The following APOBEC3C variants were observed in gnomAD, a reference collection of about 807,000 sequenced individuals.
APOBEC3C encodes apolipoprotein B mRNA editing enzyme catalytic subunit 3C, also known as DNA dC->dU-editing enzyme APOBEC-3C.
APOBEC3C carries 14 observed loss-of-function variants against 20.6 expected under a neutral mutation model. That is an observed-to-expected ratio of 0.68 (90% CI 0.45 to 1.06). The LOEUF (loss-of-function observed/expected upper bound fraction) is 1.06. Among genes scored for constraint, APOBEC3C ranks in the 50% least tolerant of loss-of-function variants. The probability of loss-of-function intolerance (pLI) is 0.00; values close to 1 mark genes in which losing one functional copy is unlikely to be tolerated. For synonymous variants in APOBEC3C, 98 were observed against 88.8 expected, an observed-to-expected ratio of 1.10 and a Z score of -0.58; for missense variants, 244 against 241.9, an observed-to-expected ratio of 1.01 and a Z score of -0.06.
Position 39,015,673 on chromosome 22 carries a change from A to G in APOBEC3C, c.96A>G (p.Glu32=), listed in dbSNP as rs1348401196. The G allele has an allele frequency of 6.2e-7, 1 of 1,614,012 alleles. No homozygotes were observed. The highest frequency in any genetic ancestry group is 8.5e-7 in the Non-Finnish European group (1 of 1,180,024). ...TATGGGAAGCCAACGATCGGAACGA[A>G]ACTTGGCTGTGCTTCACCGTGGAAG... ...KNLWEANDRN[E]TWLCFTVEGI... The change falls in exon 2 of 4, where the codon GAA becomes GAG. Residue 32 remains glutamate, a synonymous_variant. Coordinates refer to ENST00000361441, the MANE Select transcript of APOBEC3C (RefSeq NM_014508.3).
Position 39,018,387 on chromosome 22 carries a change from A to AG in APOBEC3C, c.*4dup. On this transcript the variant is annotated 3_prime_UTR_variant, in exon 4 of 4. Transcript: ENST00000361441. ...GAAGGCTACGGGAGAGTCTCCAGTG[A>AG]GGGGTCTCCCTGGGCCTCATGGTCT... The AG allele has an allele frequency of 6.2e-7, 1 of 1,613,304 alleles. No homozygotes were observed. The highest frequency in any genetic ancestry group is 2.2e-5 in the East Asian group (1 of 44,866).
chr22:39,014,473 C>A, intron 1 of APOBEC3C, 94 bp downstream of exon 1: 2 of 1,522,678 alleles, frequency 1.3e-6, no homozygotes, highest in Non-Finnish European at 9.1e-7. Context: ...CTGCCCCAGC[C>A]CCACCTCTGG....
chr22:39,018,286 GA>G lies in APOBEC3C; in HGVS notation c.476del (p.Asn159ThrfsTer16). On this transcript the variant is annotated frameshift_variant, in exon 4 of 4. Transcript: ENST00000361441. LOFTEE classifies it low-confidence loss of function (END_TRUNC). The stretch of plus-strand genomic sequence containing the variant: ...TTTCTCAGATTTTAAATATTGTTGG[GA>G]AAACTTTGTGTACAATGATAATGAG... ...MDYEDFKYCW[E>X]NFVYNDNEPF... 6.2e-7 allele frequency: 1 copy of G among 1,613,672 alleles called. No homozygotes were observed. Among genetic ancestry groups the G allele is most frequent in the East Asian group, 2.2e-5 (1 of 44,878 alleles).
At chr22:39,015,068 C>T (rs890118081) in intron 1 of APOBEC3C, among the ~76,000 whole-genome samples, 14 of 152,060 alleles carry the variant, frequency 9.2e-5, no homozygotes, top group South Asian at 6.2e-4. Flanking sequence ...GAGGCTGAGG[C>T]GGGCGGGTCA....
In APOBEC3C at chr22:39,019,629, TA is replaced by T. The variant is rs1425779509; in HGVS notation, c.*1243del. On this transcript the variant is annotated 3_prime_UTR_variant, in exon 4 of 4. Coordinates refer to ENST00000361441, the MANE Select transcript of APOBEC3C (RefSeq NM_014508.3). ...GCCAGGTGCCCACATGGCAGGCATTTATTTTCTCACAGATCTGGAAGCTGCA... is the reference window on the plus strand; with the variant it reads ...GCCAGGTGCCCACATGGCAGGCATTTTTTTCTCACAGATCTGGAAGCTGCA... The T allele has an allele frequency of 1.3e-5, 2 of 152,046 alleles. No individual in the cohort carries two copies. Among genetic ancestry groups the T allele is most frequent in the African/African-American group, 4.8e-5 (2 of 41,378 alleles). The allele number at this position is 152,046 out of a possible 1,614,324, so 9.4% of individuals were successfully genotyped here.
Position 39,017,894 on chromosome 22 carries a change from A to AG in APOBEC3C, c.307dup (p.Glu103GlyfsTer49), listed in dbSNP as rs35578697. ...CTTGGAGCCCTTGCCCAGACTGTGC[A>AG]GGGGAGGTGGCCGAGTTCCTGGCCA... On this transcript the variant is annotated frameshift_variant, in exon 3 of 4. Transcript: ENST00000361441. LOFTEE classifies it high-confidence loss of function. 2.5e-6 allele frequency: 4 copies of AG among 1,614,062 alleles called. No homozygotes were observed. The highest frequency in any genetic ancestry group is 2.5e-6 in the Non-Finnish European group (3 of 1,180,026).
At chr22:39,014,472 C>A in intron 1 of APOBEC3C, 93 bp downstream of exon 1, 1 of 1,524,098 alleles carries the variant, frequency 6.6e-7, no homozygotes, top group Non-Finnish European at 9.0e-7. Flanking sequence ...CCTGCCCCAG[C>A]CCCACCTCTG....
chr22:39,018,678 A>C lies in APOBEC3C; in HGVS notation c.*291A>C. The C allele has an allele frequency of 1.9e-5, 5 of 263,926 alleles. No homozygotes were observed. Among genetic ancestry groups the C allele is most frequent in the Non-Finnish European group, 2.9e-5 (4 of 137,306 alleles). The allele number at this position is 263,926 out of a possible 1,614,324, so 16.3% of individuals were successfully genotyped here. A position where few individuals can be genotyped will look rare whatever the true frequency, so the allele number is the denominator to read the frequency against. The stretch of plus-strand genomic sequence containing the variant: ...TTTCCCATCTCCCCAGCATAACCAA[A>C]TCTTACTAAACTCATCCTAGGCTGG... On this transcript the variant is annotated 3_prime_UTR_variant, in exon 4 of 4. Transcript: ENST00000361441.
At chr22:39,014,717 T>C (rs923171524) in intron 1 of APOBEC3C, among the ~76,000 whole-genome samples, 1 of 152,198 alleles carries the variant, frequency 6.6e-6, no homozygotes, top group South Asian at 2.1e-4. Flanking sequence ...ACTGGGAGAA[T>C]TGAACCAAAG....
At chr22:39,016,190 A>ATTATTTATTTAT (rs3043484) in intron 2 of APOBEC3C, among the ~76,000 whole-genome samples, 1,473 of 141,488 alleles carry the variant, frequency 0.01, 23 homozygotes, top group African/African-American at 0.013. Context: ...TCCTCCCCAC[A>ATTATTTATTTAT]TTATTTATTT....
At chr22:39,015,325 T>C (rs918993452) in intron 1 of APOBEC3C, among the ~76,000 whole-genome samples, 27 of 148,086 alleles carry the variant, frequency 1.8e-4, no homozygotes, top group Admixed American at 1.6e-3. Flanking sequence ...GCAGAAAAAC[T>C]GGGAGGTTGA....
In APOBEC3C at chr22:39,015,628, C is replaced by G; in HGVS notation, c.51C>G (p.Phe17Leu). The G allele has an allele frequency of 6.2e-7, 1 of 1,614,150 alleles. No individual in the cohort carries two copies. Residue 17 changes from phenylalanine to leucine, a missense_variant, in exon 2 of 4, where the codon TTC becomes TTG. Phe to Leu is a conservative substitution (Grantham distance 22). Transcript: ENST00000361441. ...TGAAGGCAATGTATCCAGGCACATT[C>G]TACTTCCAATTTAAAAACCTATGGG... ...NPMKAMYPGT[F>L]YFQFKNLWEA...
chr22:39,016,595 C>T (rs935020675), intron 2 of APOBEC3C, among the ~76,000 whole-genome samples: 3 of 152,020 alleles, frequency 2.0e-5, no homozygotes, highest in African/African-American at 4.8e-5. Context: ...GGGTTTGCTT[C>T]CTCCCAAAAG....
In APOBEC3C at chr22:39,015,607, G is replaced by A; in HGVS notation, c.30G>A (p.Lys10=). The part of the protein sequence containing the change: MNPQIRNPM[K]AMYPGTFYFQ... ...CTTGTGCCTTCAGAAACCCGATGAAGGCAATGTATCCAGGCACATTCTACT... is the reference window on the plus strand; with the variant it reads ...CTTGTGCCTTCAGAAACCCGATGAAAGCAATGTATCCAGGCACATTCTACT... Residue 10 remains lysine (K), a synonymous_variant, in exon 2 of 4, where the codon AAG becomes AAA. Transcript: ENST00000361441. 1 of 1,613,992 alleles carries A rather than the reference G, an allele frequency of 6.2e-7. No individual in the cohort carries two copies. The highest frequency in any genetic ancestry group is 2.2e-5 in the East Asian group (1 of 44,878).
intron 2 of APOBEC3C, among the ~76,000 whole-genome samples, chr22:39,016,677 G>A (rs1344311226): frequency 6.6e-6 from 1 of 152,128 alleles, no homozygotes; most frequent in Admixed American, 6.5e-5. Context: ...CTGTGCGTCC[G>A]GCAGTCCTCG....
chr22:39,016,031 A>G (rs1488362917), intron 2 of APOBEC3C, among the ~76,000 whole-genome samples: 1 of 151,752 alleles, frequency 6.6e-6, no homozygotes. Context: ...ACCTGCCACC[A>G]TGCCCAGCCA....
At position 39,018,670 on chromosome 22, in the gene APOBEC3C, A is replaced by C; in HGVS notation, c.*283A>C. On this transcript the variant is annotated 3_prime_UTR_variant, in exon 4 of 4. Coordinates refer to ENST00000361441, the MANE Select transcript of APOBEC3C (RefSeq NM_014508.3). ...ACCTGGCTTTTCCCATCTCCCCAGC[A>C]TAACCAAATCTTACTAAACTCATCC... is the stretch of plus-strand genomic sequence containing the variant. The C allele has an allele frequency of 3.4e-6, 1 of 295,454 alleles. No individual in the cohort carries two copies. Among genetic ancestry groups the C allele is most frequent in the South Asian group, 5.2e-5 (1 of 19,114 alleles). 18.3% of individuals were successfully genotyped at this position (295,454 alleles called of 1,614,324 possible). A position where few individuals can be genotyped will look rare whatever the true frequency, so the allele number is the denominator to read the frequency against.
chr22:39,018,916 C>G lies in APOBEC3C; in HGVS notation c.*529C>G, dbSNP rs770958601. Reference sequence around the variant, plus strand: ...CTGAAGTGGGAGGATTACTTGAGCCCGAGAGGTGGAGGCTGGAGTGAACAG... The same window carrying G: ...CTGAAGTGGGAGGATTACTTGAGCCGGAGAGGTGGAGGCTGGAGTGAACAG... On this transcript the variant is annotated 3_prime_UTR_variant, in exon 4 of 4. Transcript: ENST00000361441. 6.6e-6 allele frequency: 1 copy of G among 152,484 alleles called. No individual in the cohort carries two copies. Among genetic ancestry groups the G allele is most frequent in the Non-Finnish European group, 1.5e-5 (1 of 68,862 alleles). The allele number at this position is 152,484 out of a possible 1,614,324, so 9.4% of individuals were successfully genotyped here.
intron 2 of APOBEC3C, among the ~76,000 whole-genome samples, chr22:39,016,135 C>T (rs868260840): frequency 1.3e-5 from 2 of 151,506 alleles, no homozygotes; most frequent in African/African-American, 4.9e-5. Context: ...GCCTTGGCCT[C>T]CCAAAGTGCT....
Sources: gnomAD v4.1 joint callset for allele counts (sites outside exome capture counted in the v4.1 genomes callset) on GRCh38, gnomAD v4.1.1 for gene constraint, MANE v1.5 for transcripts, NCBI Gene and HGNC (gene_info 2026-07-23, HGNC 2026-07-21) for gene names.